ERC2: variants seen among roughly 807,000 people sequenced by gnomAD.
ERC2 encodes the protein ELKS/RAB6-interacting/CAST family member 2.
ERC2 carries 42 observed loss-of-function variants against 114.8 expected under a neutral mutation model. That is an observed-to-expected ratio of 0.37 (90% CI 0.29 to 0.47). The LOEUF is 0.47. Ranked by LOEUF, ERC2 falls within the 20% of genes least tolerant of loss-of-function variation. ERC2 has a pLI of 0.99. For missense variants in ERC2, 939 were observed against 1,150.7 expected (o/e 0.82, Z 2.66); for synonymous variants, 454 against 425.5 (o/e 1.07, Z -0.82).
intron 6 of ERC2, among the ~76,000 whole-genome samples, chr3:56,119,384 T>C (rs930507084): frequency 2.6e-5 from 4 of 152,224 alleles, no homozygotes; most frequent in African/African-American, 9.6e-5. Flanking sequence ...TCTGGCTAAG[T>C]CATATCTGTG....
intron 1 of ERC2, among the ~76,000 whole-genome samples, chr3:56,458,647 T>A (rs1450994427): frequency 6.6e-6 from 1 of 152,072 alleles, no homozygotes; most frequent in Non-Finnish European, 1.5e-5. Flanking sequence ...CCCATACGAA[T>A]GCCACGCTGT....
chr3:56,261,463 A>G (rs1235547174), intron 3 of ERC2, among the ~76,000 whole-genome samples: 1 of 152,162 alleles, frequency 6.6e-6, no homozygotes, highest in Non-Finnish European at 1.5e-5. Context: ...TTCACCCTGA[A>G]CTTCCTCTGA....
At chr3:55,583,492 T>TCC (rs1559692964) in intron 17 of ERC2, among the ~76,000 whole-genome samples, 2 of 12,140 alleles carry the variant, frequency 1.6e-4, no homozygotes, top group African/African-American at 9.3e-4. Flanking sequence ...TCCATCCCTC[T>TCC]CTCCTTCCCT....
At chr3:56,078,779 C>T (rs1021257875) in intron 7 of ERC2, among the ~76,000 whole-genome samples, 14 of 151,284 alleles carry the variant, frequency 9.3e-5, no homozygotes, top group African/African-American at 2.2e-4. Flanking sequence ...ACTAAACATA[C>T]GGGGGAAAAG....
intron 7 of ERC2, among the ~76,000 whole-genome samples, chr3:56,023,774 T>TGAATGAAGGAAGGAAGGAAG (rs2073872532): frequency 7.6e-6 from 1 of 131,772 alleles, no homozygotes; most frequent in Non-Finnish European, 1.6e-5. Flanking sequence ...AAAAAAGGAA[T>TGAATGAAGGAAGGAAGGAAG]GAAGGAAGGA....
At chr3:56,041,731 GA>G (rs1437043314) in intron 7 of ERC2, among the ~76,000 whole-genome samples, 1 of 152,046 alleles carries the variant, frequency 6.6e-6, no homozygotes, top group Non-Finnish European at 1.5e-5. Context: ...GAAAAGTCAG[GA>G]AACTCACCAT....
chr3:55,917,366 A>T (rs2065158094), intron 13 of ERC2, among the ~76,000 whole-genome samples: 1 of 152,184 alleles, frequency 6.6e-6, no homozygotes, highest in Non-Finnish European at 1.5e-5. Context: ...CAGATAAATA[A>T]AATATGATAT....
At chr3:56,053,747 T>C (rs1446511511) in intron 7 of ERC2, among the ~76,000 whole-genome samples, 1 of 152,122 alleles carries the variant, frequency 6.6e-6, no homozygotes, top group East Asian at 1.9e-4. Flanking sequence ...CTATGAAAAT[T>C]ATAAGTCCCC....
intron 17 of ERC2, among the ~76,000 whole-genome samples, chr3:55,549,948 G>GAT (rs59466480): frequency 0.047 from 4,947 of 105,564 alleles, 222 homozygotes; most frequent in African/African-American, 0.11. Flanking sequence ...GAGAGAGAGA[G>GAT]AGAGAGAGAG....
chr3:55,770,548 C>T (rs1334713814), intron 14 of ERC2, among the ~76,000 whole-genome samples: 1 of 152,148 alleles, frequency 6.6e-6, no homozygotes, highest in Admixed American at 6.5e-5. Flanking sequence ...TATTTCCTAC[C>T]ATCTTTCCAA....
At chr3:56,300,709 A>C (rs1050582818) in intron 2 of ERC2, among the ~76,000 whole-genome samples, 1 of 152,250 alleles carries the variant, frequency 6.6e-6, no homozygotes, top group Non-Finnish European at 1.5e-5. Flanking sequence ...CACTTAATGC[A>C]TAAGAAAATG....
chr3:55,911,198 C>T (rs543077666), intron 13 of ERC2, among the ~76,000 whole-genome samples: 169 of 152,256 alleles, frequency 1.1e-3, no homozygotes, highest in Non-Finnish European at 1.9e-3. Context: ...AAATCACCAA[C>T]CCAAAGAGAG....
intron 17 of ERC2, among the ~76,000 whole-genome samples, chr3:55,599,989 A>G (rs2148524701): frequency 6.6e-6 from 1 of 152,348 alleles, no homozygotes; most frequent in Admixed American, 6.5e-5. Context: ...TATAGACAGG[A>G]CAGAAAATGG....
chr3:56,284,983 A>ACT (rs2054581476), intron 3 of ERC2, among the ~76,000 whole-genome samples: 2 of 103,100 alleles, frequency 1.9e-5, no homozygotes, highest in Non-Finnish European at 4.0e-5. Flanking sequence ...AATCTCAATC[A>ACT]CTCTGTCTCT....
At chr3:56,355,454 G>C (rs979440211) in intron 2 of ERC2, among the ~76,000 whole-genome samples, 2 of 151,878 alleles carry the variant, frequency 1.3e-5, no homozygotes, top group African/African-American at 4.8e-5. Context: ...GAGTAGCTGA[G>C]ACCACAGGCA....
At chr3:56,218,690 C>T (rs564406824) in intron 3 of ERC2, among the ~76,000 whole-genome samples, 6 of 152,264 alleles carry the variant, frequency 3.9e-5, no homozygotes, top group South Asian at 2.1e-4. Flanking sequence ...CACATGCACA[C>T]GTAGGTTTAT....
Position 55,845,279 on chromosome 3 carries a change from C to T in ERC2, c.2564+43110G>A, listed in dbSNP as rs562055020. 2.3e-3 allele frequency among the ~76,000 whole-genome samples: 355 copies of T among 152,078 alleles called. 1 individual carries two copies. Among genetic ancestry groups the T allele is most frequent in the African/African-American group, 8.2e-3 (339 of 41,488 alleles). ...CAGCACTTTGGGAGGCCGAGGCGGG[C>T]GGATCACGAGGTCAGGAGATCGAGA... On this transcript the variant is annotated intron_variant, in intron 14 of 17. Coordinates refer to ENST00000288221, the MANE Select transcript of ERC2 (RefSeq NM_015576.3).
intron 14 of ERC2, among the ~76,000 whole-genome samples, chr3:55,756,000 C>T (rs150647353): frequency 0.018 from 2,729 of 152,148 alleles, 34 homozygotes; most frequent in Middle Eastern, 0.031. Flanking sequence ...AATCTAAACT[C>T]GGGGCCAGAC....
chr3:55,899,190 C>A (rs1471571850), intron 13 of ERC2, among the ~76,000 whole-genome samples: 1 of 152,032 alleles, frequency 6.6e-6, no homozygotes, highest in Non-Finnish European at 1.5e-5. Context: ...GGAACATTTA[C>A]CTTTTTTGGT....
Sources: allele counts gnomAD v4.1 joint callset (sites outside exome capture counted in the v4.1 genomes callset), GRCh38; gene constraint gnomAD v4.1.1; transcripts MANE v1.5; gene names NCBI Gene and HGNC (gene_info 2026-07-23, HGNC 2026-07-21).